The following MILR1 variants were observed in gnomAD, a reference collection of about 807,000 sequenced individuals.
The protein encoded by MILR1 is mast cell immunoglobulin like receptor 1, also known as allergin-1.
MILR1 carries 31 observed loss-of-function variants against 18.5 expected under a neutral mutation model. The observed-to-expected ratio is 1.68, with a 90% CI of 1.26 to 2.26. MILR1 has a LOEUF of 2.26. MILR1 is among the 30% of genes most tolerant of loss of function. The pLI is 0.00. For missense variants in MILR1, 257 were observed against 157.4 expected (o/e 1.63, Z -3.38); for synonymous variants, 85 against 56.2 (o/e 1.51, Z -2.30).
the MILR1 span, among the ~76,000 whole-genome samples, chr17:64,495,840 C>G: frequency 6.6e-6 from 1 of 152,024 alleles, no homozygotes; most frequent in Non-Finnish European, 1.5e-5. Flanking sequence ...TCCCAAGTAG[C>G]TGGGATTACA....
the MILR1 span, among the ~76,000 whole-genome samples, chr17:64,482,624 A>G: frequency 6.6e-6 from 1 of 152,206 alleles, no homozygotes; most frequent in Non-Finnish European, 1.5e-5. Context: ...GACCTAAAAC[A>G]TTTTAAAAAG....
chr17:64,452,836 TAC>T lies in MILR1; in HGVS notation c.339_340del (p.Tyr113Ter), dbSNP rs1219852303. On this transcript the variant is annotated frameshift_variant, in exon 3 of 10. Transcript: ENST00000619286. LOFTEE classifies it high-confidence loss of function. ...CKAQVTSCSK[Y>X]SRDFSFTIVD... ...AGCCCAAGTTACCAGCTGTTCAAAA[TAC>T]AGTCGTGACTTCAGCTTCACGATTG... The T allele has an allele frequency of 1.5e-5, 7 of 475,102 alleles. No individual in the cohort carries two copies. The highest frequency in any genetic ancestry group is 2.7e-5 in the Non-Finnish European group (7 of 259,028). The allele number at this position is 475,102 out of a possible 1,614,324, so 29.4% of individuals were successfully genotyped here.
At chr17:64,457,944 G>A (rs1284239133) in intron 4 of MILR1, among the ~76,000 whole-genome samples, 1 of 152,212 alleles carries the variant, frequency 6.6e-6, no homozygotes, top group Non-Finnish European at 1.5e-5. Flanking sequence ...CTCTCATGGG[G>A]TTGCTTTCTG....
At chr17:64,457,821 G>A (rs1054227241) in intron 4 of MILR1, 137 bp downstream of exon 4, 1 of 446,236 alleles carries the variant, frequency 2.2e-6, no homozygotes, top group Non-Finnish European at 4.0e-6. Flanking sequence ...CAAGGTAGAA[G>A]GATAGAAGGA....
chr17:64,489,945 A>G, the MILR1 span, among the ~76,000 whole-genome samples: 99 of 149,278 alleles, frequency 6.6e-4, no homozygotes, highest in African/African-American at 2.1e-3. Flanking sequence ...TTTTTTTTTG[A>G]GACAGAGTCT....
At chr17:64,460,738 A>C in intron 4 of MILR1, 84 bp from the exon 5 acceptor site, 1 of 458,118 alleles carries the variant, frequency 2.2e-6, no homozygotes, top group Non-Finnish European at 4.0e-6. Flanking sequence ...CTTGGGAGAC[A>C]TCACCTTTTC....
intron 5 of MILR1, among the ~76,000 whole-genome samples, chr17:64,465,050 T>C (rs2037521083): frequency 6.6e-6 from 1 of 152,116 alleles, no homozygotes; most frequent in Non-Finnish European, 1.5e-5. Flanking sequence ...ATCACGATAG[T>C]GCCACTGCAC....
chr17:64,495,504 G>A, the MILR1 span, among the ~76,000 whole-genome samples: 6 of 152,172 alleles, frequency 3.9e-5, no homozygotes, highest in African/African-American at 1.4e-4. Flanking sequence ...ACTTGAGCCC[G>A]AGGTCGAGGC....
the MILR1 span, among the ~76,000 whole-genome samples, chr17:64,483,664 GTTC>G: frequency 6.7e-6 from 1 of 149,064 alleles, no homozygotes; most frequent in Admixed American, 6.7e-5. Flanking sequence ...AAAACCTACT[GTTC>G]TTCTCTTTTT....
chr17:64,461,193 T>C (rs887907797), intron 5 of MILR1, among the ~76,000 whole-genome samples: 4 of 152,186 alleles, frequency 2.6e-5, no homozygotes, highest in African/African-American at 7.2e-5. Flanking sequence ...CAGCCTGTGC[T>C]GTCACACAGG....
chr17:64,452,082 G>GTT (rs34558703), intron 2 of MILR1, among the ~76,000 whole-genome samples: 23,587 of 136,988 alleles, frequency 0.17, 2,555 homozygotes, highest in South Asian at 0.29. Context: ...TCCCAGCTAT[G>GTT]TTTTTTTTTT....
the MILR1 span, among the ~76,000 whole-genome samples, chr17:64,478,191 A>G: frequency 6.6e-6 from 1 of 152,222 alleles, no homozygotes; most frequent in African/African-American, 2.4e-5. Context: ...ACTTATTGCT[A>G]GAGCTGAAAA....
chr17:64,469,337 A>T (rs782201836), downstream of MILR1, among the ~76,000 whole-genome samples: 19 of 152,102 alleles, frequency 1.2e-4, no homozygotes, highest in Non-Finnish European at 2.2e-4. Flanking sequence ...TCCAAGCTTC[A>T]AGGAGACCCA....
At chr17:64,496,922 C>G in the MILR1 span, 16 of 1,612,074 alleles carry the variant, frequency 9.9e-6, no homozygotes, top group African/African-American at 1.3e-5. Context: ...AGACAACAGG[C>G]ACCTGCAGAC....
chr17:64,462,235 G>A (rs1175984756), intron 5 of MILR1, among the ~76,000 whole-genome samples: 1 of 151,772 alleles, frequency 6.6e-6, no homozygotes, highest in African/African-American at 2.4e-5. Context: ...TCACTATGTT[G>A]CCCAGGCTGG....
At chr17:64,475,660 AAAAAC>A in the MILR1 span, among the ~76,000 whole-genome samples, 862 of 151,452 alleles carry the variant, frequency 5.7e-3, 7 homozygotes, top group African/African-American at 0.02. Flanking sequence ...AAAAAAAAAA[AAAAAC>A]AACAAAAAAA....
At chr17:64,497,098 G>A in the MILR1 span, 4 of 949,424 alleles carry the variant, frequency 4.2e-6, no homozygotes, top group South Asian at 2.7e-5. Context: ...GCGGGCGGCA[G>A]GCCCCACCCC....
At chr17:64,477,235 C>A in the MILR1 span, among the ~76,000 whole-genome samples, 1 of 152,110 alleles carries the variant, frequency 6.6e-6, no homozygotes, top group Non-Finnish European at 1.5e-5. Flanking sequence ...GGATAAATTG[C>A]GTTTGATCTA....
the MILR1 span, chr17:64,478,057 C>A: frequency 6.5e-7 from 1 of 1,534,112 alleles, no homozygotes; most frequent in Non-Finnish European, 9.0e-7. Flanking sequence ...ACGTTGCCAG[C>A]TGTAATTCAG....
Sources: gnomAD v4.1 joint callset for allele counts (sites outside exome capture counted in the v4.1 genomes callset) on GRCh38, gnomAD v4.1.1 for gene constraint, MANE v1.5 for transcripts, NCBI Gene and HGNC (gene_info 2026-07-23, HGNC 2026-07-21) for gene names.